Variants in SLC35D2 observed in about 807,000 individuals in gnomAD.
SLC35D2 encodes the protein nucleotide sugar transporter SLC35D2.
SLC35D2 carries 43 observed loss-of-function variants against 41.8 expected under a neutral mutation model. The ratio of observed to expected loss-of-function variants is 1.03; its 90% CI spans 0.81 to 1.33. The LOEUF (loss-of-function observed/expected upper bound fraction) is 1.33, where lower values mean the gene tolerates loss of function less well. Among genes scored for constraint, SLC35D2 ranks in the 40% most tolerant of loss-of-function variants. The pLI is 0.00. For synonymous variants in SLC35D2, 150 were observed against 163.9 expected (o/e 0.92, Z 0.65); for missense variants, 380 against 408.4 (o/e 0.93, Z 0.60).
intron 8 of SLC35D2, among the ~76,000 whole-genome samples, chr9:96,340,473 CG>C: frequency 1.3e-5 from 2 of 151,240 alleles, no homozygotes; most frequent in South Asian, 4.2e-4. Flanking sequence ...AAAAATTAGC[CG>C]GGCATCATGG....
intron 6 of SLC35D2, among the ~76,000 whole-genome samples, chr9:96,347,495 T>C (rs1043392850): frequency 6.6e-5 from 10 of 152,222 alleles, no homozygotes; most frequent in Non-Finnish European, 1.5e-4. Flanking sequence ...CATCTCAGTC[T>C]CCTGAGTAGC....
chr9:96,371,296 C>G (rs1240154892), intron 1 of SLC35D2, among the ~76,000 whole-genome samples: 3 of 151,658 alleles, frequency 2.0e-5, no homozygotes, highest in East Asian at 1.9e-4. Context: ...GAAACCCCAT[C>G]TCTACTAAAA....
chr9:96,357,158 A>AC (rs1277904542), intron 4 of SLC35D2, among the ~76,000 whole-genome samples: 3 of 152,232 alleles, frequency 2.0e-5, no homozygotes, highest in Non-Finnish European at 4.4e-5. Flanking sequence ...AGCCTGGGCA[A>AC]CAAGACCGAA....
chr9:96,321,929 T>C, intron 11 of SLC35D2, 69 bp downstream of exon 11: 2 of 889,690 alleles, frequency 2.2e-6, no homozygotes, highest in Admixed American at 4.4e-5. Context: ...CTTTTGCTTA[T>C]TACATATTAA....
chr9:96,367,839 G>A (rs1273943213), intron 2 of SLC35D2, among the ~76,000 whole-genome samples: 2 of 151,956 alleles, frequency 1.3e-5, no homozygotes, highest in Non-Finnish European at 2.9e-5. Context: ...TAATAATAAG[G>A]GCAGCATGGT....
At chr9:96,361,158 T>C (rs538205293) in intron 3 of SLC35D2, among the ~76,000 whole-genome samples, 1 of 152,300 alleles carries the variant, frequency 6.6e-6, no homozygotes, top group East Asian at 1.9e-4. Flanking sequence ...AGTTCAACGA[T>C]ACATATTAAA....
intron 9 of SLC35D2, among the ~76,000 whole-genome samples, chr9:96,331,527 C>T (rs1008264657): frequency 1.3e-5 from 2 of 152,070 alleles, no homozygotes; most frequent in African/African-American, 4.8e-5. Context: ...GCCCCTCCTG[C>T]CACCCTTTCC....
At position 96,359,630 on chromosome 9, in the gene SLC35D2, T is replaced by C. The variant is rs575719224; in HGVS notation, c.347+524A>G. On this transcript the variant is annotated intron_variant, in intron 4 of 11. Coordinates refer to ENST00000253270, the MANE Select transcript of SLC35D2 (RefSeq NM_007001.3). The stretch of plus-strand genomic sequence containing the variant: ...GCTTGAACTCAGAAGGTGGAGGTTG[T>C]AGTGAGTCAAGATAAGGTTGCACTC... Among the ~76,000 whole-genome samples the C allele has an allele frequency of 5.3e-5, 8 of 151,364 alleles. No homozygotes were observed. In the East Asian group the frequency reaches 1.2e-3, roughly 22 times the overall value.
intron 1 of SLC35D2, among the ~76,000 whole-genome samples, chr9:96,370,735 C>A (rs1830643664): frequency 6.6e-6 from 1 of 151,852 alleles, no homozygotes; most frequent in Non-Finnish European, 1.5e-5. Flanking sequence ...TCAAAGAGCC[C>A]AGCCTAGAAG....
chr9:96,372,898 TG>T (rs1830770985), intron 1 of SLC35D2, among the ~76,000 whole-genome samples: 1 of 150,294 alleles, frequency 6.7e-6, no homozygotes, highest in Non-Finnish European at 1.5e-5. Context: ...TTTGTTCTTT[TG>T]TTTTTTTGTT....
At chr9:96,313,771 G>A (rs1032581795) in exon 12 of SLC35D2, among the ~76,000 whole-genome samples, 1 of 152,224 alleles carries the variant, frequency 6.6e-6, no homozygotes, top group African/African-American at 2.4e-5. Context: ...TGAGCCACTC[G>A]TCTGGGTGCT....
intron 3 of SLC35D2, among the ~76,000 whole-genome samples, chr9:96,360,898 T>C (rs886616036): frequency 6.6e-6 from 1 of 151,820 alleles, no homozygotes; most frequent in Non-Finnish European, 1.5e-5. Flanking sequence ...TCCGCCACCA[T>C]GCCCAGCTAA....
chr9:96,357,617 A>AT (rs1830080587), intron 4 of SLC35D2: 2 of 152,254 alleles, frequency 1.3e-5, no homozygotes, highest in Admixed American at 1.3e-4. Context: ...ATCTAAAACT[A>AT]TAACATTCTT....
intron 1 of SLC35D2, chr9:96,374,044 C>T (rs1380053705): frequency 6.6e-6 from 1 of 152,156 alleles, no homozygotes; most frequent in African/African-American, 2.4e-5. Flanking sequence ...GTGCCCTGTT[C>T]ACTCCTCCTT....
intron 2 of SLC35D2, among the ~76,000 whole-genome samples, chr9:96,365,320 C>G (rs1448894915): frequency 6.6e-6 from 1 of 151,546 alleles, no homozygotes; most frequent in Non-Finnish European, 1.5e-5. Flanking sequence ...GATCATGCCA[C>G]TGCACTCCAG....
intron 4 of SLC35D2, among the ~76,000 whole-genome samples, chr9:96,358,080 T>TTTATATATATATATA (rs990002916): frequency 5.7e-5 from 7 of 122,688 alleles, no homozygotes; most frequent in African/African-American, 2.3e-4. Context: ...ATTATATATT[T>TTTATATATATATATA]TATATATATA....
At chr9:96,354,646 T>C (rs917730112) in intron 4 of SLC35D2, among the ~76,000 whole-genome samples, 2 of 150,644 alleles carry the variant, frequency 1.3e-5, no homozygotes, top group African/African-American at 4.9e-5. Flanking sequence ...TGCGTGACTA[T>C]AATCCCAGTT....
chr9:96,332,124 T>C (rs1828836543), intron 9 of SLC35D2, among the ~76,000 whole-genome samples: 1 of 152,218 alleles, frequency 6.6e-6, no homozygotes, highest in African/African-American at 2.4e-5. Flanking sequence ...TTTTAAATTA[T>C]ATTTTCAACT....
At chr9:96,380,839 G>A (rs1831171509) in intron 1 of SLC35D2, among the ~76,000 whole-genome samples, 1 of 152,058 alleles carries the variant, frequency 6.6e-6, no homozygotes, top group Admixed American at 6.6e-5. Context: ...AAATGCTCCA[G>A]GTTTAGGTAC....
Sources: gnomAD v4.1 joint callset for allele counts (sites outside exome capture counted in the v4.1 genomes callset) on GRCh38, gnomAD v4.1.1 for gene constraint, MANE v1.5 for transcripts, NCBI Gene and HGNC (gene_info 2026-07-23, HGNC 2026-07-21) for gene names.